Variants in KIF13A observed in about 807,000 individuals in gnomAD.
KIF13A encodes the protein kinesin-like protein KIF13A.
In KIF13A, 79 loss-of-function variants were observed where a neutral mutation model predicts 212.2. That is an observed-to-expected ratio of 0.37 (90% CI 0.31 to 0.45). KIF13A has a LOEUF of 0.45. Among genes scored for constraint, KIF13A ranks in the 20% least tolerant of loss-of-function variants. The pLI, the probability that KIF13A is intolerant of heterozygous loss-of-function variation, is 1.00. For missense variants in KIF13A, 1,901 were observed against 2,209.0 expected, an observed-to-expected ratio of 0.86 and a Z score of 2.79; for synonymous variants, 789 against 808.6, an observed-to-expected ratio of 0.98 and a Z score of 0.41.
intron 2 of KIF13A, among the ~76,000 whole-genome samples, chr6:17,948,128 G>C (rs1202894699): frequency 1.3e-5 from 2 of 151,962 alleles, no homozygotes; most frequent in Non-Finnish European, 2.9e-5. Context: ...ATTCTATTTT[G>C]TTTTTATTTT....
At chr6:17,861,834 T>A (rs569996622) in intron 4 of KIF13A, among the ~76,000 whole-genome samples, 1 of 152,300 alleles carries the variant, frequency 6.6e-6, no homozygotes, top group East Asian at 1.9e-4. Flanking sequence ...CAGTCTGTCA[T>A]CTGCCTATCG....
rs1772882335 is a variant in KIF13A at position 17,899,583 on chromosome 6, C to T, written c.147-1403G>A. Reference sequence around the variant, plus strand: ...TTCGAGTGCAGGGAAGAAAAATCATCCCATTCCTATAATGATGAAGTTGAA... The same window carrying T: ...TTCGAGTGCAGGGAAGAAAAATCATTCCATTCCTATAATGATGAAGTTGAA... On this transcript the variant is annotated intron_variant, in intron 2 of 38. Transcript: ENST00000259711. The surrounding 1 kb of genome is among the most constrained non-coding windows in gnomAD (Gnocchi z 5.2). 6.6e-6 allele frequency among the ~76,000 whole-genome samples: 1 copy of T among 152,144 alleles called. No homozygotes were observed. Among genetic ancestry groups the T allele is most frequent in the Admixed American group, 6.5e-5 (1 of 15,276 alleles).
rs1772811770 is a variant in KIF13A, at chr6:17,898,888, T to C, written c.147-708A>G. 6.6e-6 allele frequency among the ~76,000 whole-genome samples: 1 copy of C among 152,108 alleles called. No homozygotes were observed. Among genetic ancestry groups the C allele is most frequent in the Non-Finnish European group, 1.5e-5 (1 of 68,030 alleles). ...TCTCACTTGGTTGTTCAGGATGGAG[T>C]GCAGTGATGTGATCATGGCTCAGTG... On this transcript the variant is annotated intron_variant, in intron 2 of 38. Coordinates refer to ENST00000259711, the MANE Select transcript of KIF13A (RefSeq NM_022113.6). The surrounding 1 kb of genome is among the most constrained non-coding windows in gnomAD (Gnocchi z 5.2).
In KIF13A at chr6:17,951,221, CAGCTCACTGG is replaced by C. The variant is rs200098391; in HGVS notation, c.146+35823_146+35832del. The C allele has an allele frequency of 2.5e-3, 2,428 of 964,676 alleles. 37 individuals carry two copies. In the African/African-American group the frequency reaches 0.038, roughly 15 times the overall value. 59.8% of individuals were successfully genotyped at this position (964,676 alleles called of 1,614,324 possible). A position where few individuals can be genotyped will look rare whatever the true frequency, so the allele number is the denominator to read the frequency against. ...CCAGGCTGGCGTGCAGTGGCTCAAA[CAGCTCACTGG>C]AGCCTCCTGCCTCAGTCTCCTGAGT... On this transcript the variant is annotated intron_variant, in intron 2 of 38. Coordinates refer to ENST00000259711, the MANE Select transcript of KIF13A (RefSeq NM_022113.6). The surrounding 1 kb of genome is among the most constrained non-coding windows in gnomAD (Gnocchi z 4.9).
chr6:17,948,435 G>T (rs571264463), intron 2 of KIF13A, among the ~76,000 whole-genome samples: 1 of 151,984 alleles, frequency 6.6e-6, no homozygotes, highest in East Asian at 1.9e-4. Context: ...AAAAATGACA[G>T]AAGTTAACTC....
In KIF13A at chr6:17,987,296, C is replaced by A; in HGVS notation, c.55+113G>T. ...ACCACGGCCAGCGCGGACGCCGCCT[C>A]CGCCCCGGCCCCCCGGCCCCGGCCG... On this transcript the variant is annotated intron_variant, in intron 1 of 38. Transcript: ENST00000259711. This position sits in a 1 kb window ranked among gnomAD's most constrained non-coding sequence, Gnocchi z 7.7. 1 of 890,068 alleles carries A rather than the reference C, an allele frequency of 1.1e-6. No homozygotes were observed. Among genetic ancestry groups the A allele is most frequent in the Non-Finnish European group, 1.4e-6 (1 of 691,460 alleles). The allele number at this position is 890,068 out of a possible 1,614,324, so 55.1% of individuals were successfully genotyped here.
intron 30 of KIF13A, 26 bp from the exon 31 acceptor site, chr6:17,780,932 A>G (rs544619227): frequency 1.2e-6 from 2 of 1,602,208 alleles, no homozygotes; most frequent in East Asian, 4.5e-5. Flanking sequence ...TGATGAGGAG[A>G]TGGAAACAAG....
chr6:17,803,019 C>T (rs1313996384), intron 20 of KIF13A, among the ~76,000 whole-genome samples: 1 of 151,416 alleles, frequency 6.6e-6, no homozygotes, highest in Non-Finnish European at 1.5e-5. Context: ...CTGCAACCTC[C>T]ACCTCCCGGG....
chr6:17,896,648 G>T (rs1458455640), intron 3 of KIF13A, among the ~76,000 whole-genome samples: 1 of 152,172 alleles, frequency 6.6e-6, no homozygotes, highest in Non-Finnish European at 1.5e-5. Flanking sequence ...TCTTAGGAAC[G>T]ATCAATAGGA....
intron 2 of KIF13A, among the ~76,000 whole-genome samples, chr6:17,936,959 C>T (rs992619036): frequency 4.6e-5 from 7 of 152,284 alleles, no homozygotes; most frequent in East Asian, 1.9e-4. Context: ...GGGCAGATCC[C>T]TTGAGCCCAG....
chr6:17,929,404 A>T (rs1403431502), intron 2 of KIF13A, among the ~76,000 whole-genome samples: 4 of 145,262 alleles, frequency 2.8e-5, no homozygotes, highest in East Asian at 2.0e-4. Flanking sequence ...ACTCTCGACT[A>T]TTTTTTTTTT....
At chr6:17,869,055 T>C (rs998537728) in intron 4 of KIF13A, among the ~76,000 whole-genome samples, 1 of 126,796 alleles carries the variant, frequency 7.9e-6, no homozygotes, top group Non-Finnish European at 1.7e-5. Context: ...CCTCAAAGCA[T>C]GATTCAATGC....
chr6:17,975,502 G>A (rs58455327), intron 2 of KIF13A, among the ~76,000 whole-genome samples: 1,717 of 152,086 alleles, frequency 0.011, 36 homozygotes, highest in African/African-American at 0.039. Flanking sequence ...AGACAATGTA[G>A]GCCCAAAAAG....
chr6:17,850,542 T>A lies in KIF13A; in HGVS notation c.583-85A>T, dbSNP rs1767538235. On this transcript the variant is annotated intron_variant, in intron 7 of 38. Coordinates refer to ENST00000259711, the MANE Select transcript of KIF13A (RefSeq NM_022113.6). The surrounding 1 kb of genome is among the most constrained non-coding windows in gnomAD (Gnocchi z 6.2). ...ACCAGGTATATGTATTAATTATGATTCCTCTGATGCCTTTGTCACCACCCT... is the reference window on the plus strand; with the variant it reads ...ACCAGGTATATGTATTAATTATGATACCTCTGATGCCTTTGTCACCACCCT... 1.5e-6 allele frequency: 2 copies of A among 1,330,402 alleles called. No homozygotes were observed. The highest frequency in any genetic ancestry group is 1.5e-5 in the African/African-American group (1 of 68,216). 82.4% of individuals were successfully genotyped at this position (1,330,402 alleles called of 1,614,324 possible). A position where few individuals can be genotyped will look rare whatever the true frequency, so the allele number is the denominator to read the frequency against.
At chr6:17,815,430 G>C (rs1200505369) in intron 17 of KIF13A, among the ~76,000 whole-genome samples, 2 of 152,188 alleles carry the variant, frequency 1.3e-5, no homozygotes, top group African/African-American at 4.8e-5. Context: ...TAAGTAACTA[G>C]TGCCTTCCCC....
Position 17,781,249 on chromosome 6 carries a change from C to G in KIF13A, c.3597G>C (p.Val1199=). Residue 1199 remains valine, a synonymous_variant, in exon 30 of 39, where the codon GTG becomes GTC. Transcript: ENST00000259711. ...CATGCTCCTTGGGCAGGATGGAGTT[C>G]ACGCCGGATGCATGGGGGCCAACAA... ...EQLVGPHASG[V]NSILPKEHGS... is the part of the protein sequence containing the mutation. 1 of 1,613,748 alleles carries G rather than the reference C, an allele frequency of 6.2e-7. No homozygotes were observed. The highest frequency in any genetic ancestry group is 8.5e-7 in the Non-Finnish European group (1 of 1,179,788).
In KIF13A at chr6:17,835,195, CAAAAAAAAAAAAAAAAAAA is replaced by C. The variant is rs61697144; in HGVS notation, c.1156-1143_1156-1125del. Among the ~76,000 whole-genome samples the C allele has an allele frequency of 7.9e-3, 364 of 45,940 alleles. 5 individuals are homozygous for C. Among genetic ancestry groups the C allele is most frequent in the Non-Finnish European group, 0.012 (301 of 24,224 alleles). The allele number at this position is 45,940 out of a possible 152,430, so 30.1% of individuals were successfully genotyped here. A position where few individuals can be genotyped will look rare whatever the true frequency, so the allele number is the denominator to read the frequency against. On this transcript the variant is annotated intron_variant, in intron 11 of 38. Transcript: ENST00000259711. ...AGAGACTCTGTCCACCCGCCCCCGC[CAAAAAAAAAAAAAAAAAAA>C]AAAAAAAAAAAAAAAAAAAAAAAAA...
At chr6:17,980,686 A>G (rs1780986942) in intron 2 of KIF13A, among the ~76,000 whole-genome samples, 1 of 152,184 alleles carries the variant, frequency 6.6e-6, no homozygotes, top group South Asian at 2.1e-4. Context: ...ATGAGGGAAA[A>G]AAGCAACAAT....
intron 4 of KIF13A, among the ~76,000 whole-genome samples, chr6:17,863,621 A>T (rs1354352636): frequency 1.3e-5 from 2 of 152,112 alleles, no homozygotes; most frequent in African/African-American, 4.8e-5. Flanking sequence ...CCAAAGCCTA[A>T]AAAGGCACTA....
Sources: allele counts gnomAD v4.1 joint callset (sites outside exome capture counted in the v4.1 genomes callset), GRCh38; gene constraint gnomAD v4.1.1; non-coding constraint Gnocchi (gnomAD v3.1); transcripts MANE v1.5; gene names NCBI Gene and HGNC (gene_info 2026-07-23, HGNC 2026-07-21).